The following CELF5 variants were observed in gnomAD, a reference collection of about 807,000 sequenced individuals.
The protein encoded by CELF5 is CUGBP Elav-like family member 5.
Under a neutral mutation model 54.9 loss-of-function variants are expected in CELF5, and 6 were observed. The ratio of observed to expected loss-of-function variants is 0.11; its 90% CI spans 0.06 to 0.22. CELF5 has a LOEUF of 0.22. Among genes scored for constraint, CELF5 ranks in the 10% least tolerant of loss-of-function variants. The pLI is 1.00. For synonymous variants in CELF5, 271 were observed against 290.9 expected (o/e 0.93, Z 0.70); for missense variants, 401 against 678.6 (o/e 0.59, Z 4.54).
intron 2 of CELF5, among the ~76,000 whole-genome samples, chr19:3,256,230 G>A (rs1162659595): frequency 6.6e-6 from 1 of 151,974 alleles, no homozygotes; most frequent in Non-Finnish European, 1.5e-5. Flanking sequence ...TGCCTCTCCC[G>A]CCTGGAGAAT....
At position 3,281,345 on chromosome 19, in the gene CELF5, T is replaced by C. The variant is rs1476812678; in HGVS notation, c.750T>C (p.Ala250=). 2 of 1,599,410 alleles carry C rather than the reference T, an allele frequency of 1.3e-6. No individual in the cohort carries two copies. The highest frequency in any genetic ancestry group is 1.7e-6 in the Non-Finnish European group (2 of 1,172,274). ...PFSPYSAYAQ[A]LMQQQTTVLS... is the part of the protein sequence containing the mutation. ...GCCCCTACAGTGCCTACGCCCAGGC[T>C]GTGAGTGACCCAGTGACAGCTTCGG... is the stretch of plus-strand genomic sequence containing the variant. Residue 250 remains alanine (A), a splice_region_variant and synonymous_variant, in exon 6 of 13, where the codon GCT becomes GCC. Transcript: ENST00000292672. The surrounding 1 kb of genome is among the most constrained non-coding windows in gnomAD (Gnocchi z 6.5).
At chr19:3,285,004 C>CGCCCCCGCCCAGGGCCCA in intron 9 of CELF5, 40 bp downstream of exon 9, 1 of 1,512,878 alleles carries the variant, frequency 6.6e-7, no homozygotes, top group Non-Finnish European at 9.0e-7. Flanking sequence ...GCCCTGGCCC[C>CGCCCCCGCCCAGGGCCCA]GCCCCCGCCT....
rs1452588485 is a variant in CELF5, at chr19:3,248,895, TTCCTTCCTTC to T, written c.260-2089_260-2080del. Among the ~76,000 whole-genome samples the T allele has an allele frequency of 2.1e-4, 28 of 132,300 alleles. 1 individual carries two copies. Among genetic ancestry groups the T allele is most frequent in the East Asian group, 1.6e-3 (5 of 3,194 alleles). 86.8% of individuals were successfully genotyped at this position (132,300 alleles called of 152,430 possible). A position where few individuals can be genotyped will look rare whatever the true frequency, so the allele number is the denominator to read the frequency against. ...CTTCCTTCCTTCCTTCCTTCCTTCCTTCCTTCCTTCCTTTCTTTCTTTCTTTCTTTCTTTT... is the reference window on the plus strand; with the variant it reads ...CTTCCTTCCTTCCTTCCTTCCTTCCTCTTTCTTTCTTTCTTTCTTTCTTTT... On this transcript the variant is annotated intron_variant, in intron 1 of 12. Transcript: ENST00000292672.
intron 12 of CELF5, 26 bp downstream of exon 12, chr19:3,293,512 C>T (rs1177541438): frequency 1.1e-5 from 17 of 1,572,556 alleles, no homozygotes; most frequent in African/African-American, 1.4e-5. Context: ...GCCCCACCCC[C>T]GCCCAAGCCC....
chr19:3,237,083 C>T (rs1337701830), intron 1 of CELF5, among the ~76,000 whole-genome samples: 4 of 150,196 alleles, frequency 2.7e-5, no homozygotes, highest in Non-Finnish European at 4.4e-5. Context: ...GAGGCCGAGA[C>T]GGGTGGATCA....
At chr19:3,262,686 C>G (rs1248638613) in intron 2 of CELF5, among the ~76,000 whole-genome samples, 5 of 152,162 alleles carry the variant, frequency 3.3e-5, no homozygotes, top group Non-Finnish European at 7.3e-5. Flanking sequence ...CGCAGTGGCT[C>G]ACTCCTGTAA....
In CELF5 at chr19:3,278,376, G is replaced by A. The variant is rs979486100; in HGVS notation, c.603+266G>A. ...GATGTATTACAAGTGTGTGCGTGTG[G>A]GTGAGTGTGCATGTCTGGGTGTGAG... On this transcript the variant is annotated intron_variant, in intron 5 of 12. Coordinates refer to ENST00000292672, the MANE Select transcript of CELF5 (RefSeq NM_021938.4). This position sits in a 1 kb window ranked among gnomAD's most constrained non-coding sequence, Gnocchi z 4.5. Among the ~76,000 whole-genome samples, 5 of 151,868 alleles carry A rather than the reference G, an allele frequency of 3.3e-5. No individual in the cohort carries two copies. The highest frequency in any genetic ancestry group is 9.7e-5 in the African/African-American group (4 of 41,332).
chr19:3,282,412 C>T lies in CELF5; in HGVS notation c.953C>T (p.Thr318Ile). Residue 318 changes from threonine (T) to isoleucine (I), a missense_variant, in exon 8 of 13, where the codon ACC (threonine) becomes ATC (isoleucine). By Grantham distance (89) the Thr-to-Ile change is moderately conservative. Around this residue, in one of 6 missense-constraint regions of CELF5, gnomAD observed 143 missense variants for 147.6 expected, o/e 0.97. Coordinates refer to ENST00000292672, the MANE Select transcript of CELF5 (RefSeq NM_021938.4). This position sits in a 1 kb window ranked among gnomAD's most constrained non-coding sequence, Gnocchi z 5.2. ...GTGCCTGGCCTCGTGGCTCCCATCACCAATGGCTTTGCAGGTGTCGTGCCC... is the reference window on the plus strand; with the variant it reads ...GTGCCTGGCCTCGTGGCTCCCATCATCAATGGCTTTGCAGGTGTCGTGCCC... The part of the protein sequence containing the change: ...TAVPGLVAPI[T>I]NGFAGVVPFP... The T allele has an allele frequency of 6.2e-7, 1 of 1,613,114 alleles. No individual in the cohort carries two copies. Among genetic ancestry groups the T allele is most frequent in the Non-Finnish European group, 8.5e-7 (1 of 1,180,042 alleles).
intron 1 of CELF5, chr19:3,225,474 C>G: frequency 3.9e-6 from 2 of 512,656 alleles, no homozygotes; most frequent in Non-Finnish European, 4.9e-6. Flanking sequence ...CCTGCCCCCC[C>G]ACCCCCATTC....
At chr19:3,272,666 C>T (rs116817028) in intron 2 of CELF5, among the ~76,000 whole-genome samples, 1,966 of 152,292 alleles carry the variant, frequency 0.013, 42 homozygotes, top group African/African-American at 0.045. Context: ...TGGGGAGATG[C>T]CGTGGTTCCC....
chr19:3,293,623 G>A lies in CELF5; in HGVS notation c.*40+137G>A, dbSNP rs564175940. On this transcript the variant is annotated intron_variant, in intron 12 of 12. Transcript: ENST00000292672. Reference sequence around the variant, plus strand: ...AGGCTACAAGAAACCTCCGGGTTGGGTTGGCGGGGACAGAGCTGGATGTAG... The same window carrying A: ...AGGCTACAAGAAACCTCCGGGTTGGATTGGCGGGGACAGAGCTGGATGTAG... 35 of 736,906 alleles carry A rather than the reference G, an allele frequency of 4.7e-5. No homozygotes were observed. The South Asian group carries it at 5.4e-4, about 11-fold the overall frequency. The allele number at this position is 736,906 out of a possible 1,614,324, so 45.6% of individuals were successfully genotyped here.
chr19:3,282,187 C>G lies in CELF5; in HGVS notation c.812C>G (p.Ala271Gly). Residue 271 changes from alanine to glycine, a missense_variant, in exon 7 of 13, where the codon GCC becomes GGC. Ala to Gly is a moderately conservative substitution (Grantham distance 60). This residue lies in a region of CELF5 where 87 missense variants were observed against 190.2 expected (regional missense o/e 0.46). Coordinates refer to ENST00000292672, the MANE Select transcript of CELF5 (RefSeq NM_021938.4). This position sits in a 1 kb window ranked among gnomAD's most constrained non-coding sequence, Gnocchi z 5.2. Reference sequence around the variant, plus strand: ...GGCAGCTACCTGAGTCCCGGCGTGGCCTTCTCACCCTGTCACATCCAGCAG... The same window carrying G: ...GGCAGCTACCTGAGTCCCGGCGTGGGCTTCTCACCCTGTCACATCCAGCAG... ...TSGSYLSPGV[A>G]FSPCHIQQIG... 1 of 1,614,148 alleles carries G rather than the reference C, an allele frequency of 6.2e-7. No homozygotes were observed. Among genetic ancestry groups the G allele is most frequent in the Non-Finnish European group, 8.5e-7 (1 of 1,180,034 alleles).
chr19:3,236,221 C>T (rs181297315), intron 1 of CELF5, among the ~76,000 whole-genome samples: 82 of 152,200 alleles, frequency 5.4e-4, no homozygotes, highest in East Asian at 3.5e-3. Flanking sequence ...CCGTCTGTCT[C>T]GGTTTTCCTA....
At chr19:3,271,809 G>A (rs897938972) in intron 2 of CELF5, among the ~76,000 whole-genome samples, 26 of 152,018 alleles carry the variant, frequency 1.7e-4, no homozygotes, top group African/African-American at 5.6e-4. Flanking sequence ...AGCTGGAACG[G>A]GTCTTAGAGA....
In CELF5 at chr19:3,290,222, C is replaced by G. The variant is rs759499921; in HGVS notation, c.1187-9C>G. On this transcript the variant is annotated splice_polypyrimidine_tract_variant and intron_variant, in intron 10 of 12. Transcript: ENST00000292672. ...GGGGGCTTTATGTCTTTCTCTCCCC[C>G]ACCTGCAGGTCCCGAGGGCTGTAAC... 6.2e-7 allele frequency: 1 copy of G among 1,613,000 alleles called. No homozygotes were observed. The highest frequency in any genetic ancestry group is 8.5e-7 in the Non-Finnish European group (1 of 1,179,146).
intron 1 of CELF5, among the ~76,000 whole-genome samples, chr19:3,241,926 C>T (rs1025155366): frequency 3.9e-5 from 6 of 152,060 alleles, no homozygotes; most frequent in South Asian, 2.1e-4. Context: ...AGGCGCGCGC[C>T]GCCACGCCCA....
At chr19:3,231,740 G>C (rs1917273053) in intron 1 of CELF5, among the ~76,000 whole-genome samples, 1 of 126,692 alleles carries the variant, frequency 7.9e-6, no homozygotes, top group South Asian at 2.9e-4. Context: ...GGGGAGCGAT[G>C]GATGGGCATA....
At chr19:3,254,161 C>T (rs112552938) in intron 2 of CELF5, among the ~76,000 whole-genome samples, 21 of 152,094 alleles carry the variant, frequency 1.4e-4, no homozygotes, top group African/African-American at 3.4e-4. Context: ...GAAGAGATGC[C>T]GCAATCACCA....
chr19:3,265,493 G>A lies in CELF5; in HGVS notation c.343-8379G>A, dbSNP rs187749364. Among the ~76,000 whole-genome samples, 4 of 152,292 alleles carry A rather than the reference G, an allele frequency of 2.6e-5. No homozygotes were observed. In the East Asian group the frequency reaches 5.8e-4, roughly 22 times the overall value. On this transcript the variant is annotated intron_variant, in intron 2 of 12. Coordinates refer to ENST00000292672, the MANE Select transcript of CELF5 (RefSeq NM_021938.4). Reference sequence around the variant, plus strand: ...CAGAGGCAGTTCTGCAGGTATATTTGTACCCACTTGGTTTTGTTTTTTGTT... The same window carrying A: ...CAGAGGCAGTTCTGCAGGTATATTTATACCCACTTGGTTTTGTTTTTTGTT...
Sources: gnomAD v4.1 joint callset for allele counts (sites outside exome capture counted in the v4.1 genomes callset) on GRCh38, gnomAD v4.1.1 for gene constraint, gnomAD v4.1.1 regional missense constraint, Gnocchi (gnomAD v3.1) non-coding constraint, MANE v1.5 for transcripts, NCBI Gene and HGNC (gene_info 2026-07-23, HGNC 2026-07-21) for gene names.